The following EPM2A variants were observed in gnomAD, a reference collection of about 807,000 sequenced individuals.
EPM2A encodes the protein EPM2A glucan phosphatase, laforin, also known as laforin.
In EPM2A, 21 loss-of-function variants were observed where a neutral mutation model predicts 26.5. The ratio of observed to expected loss-of-function variants is 0.79; its 90% CI spans 0.56 to 1.14. The LOEUF (loss-of-function observed/expected upper bound fraction) is 1.14, where lower values mean the gene tolerates loss of function less well. EPM2A is among the 50% of genes most tolerant of loss of function. The pLI is 0.00. For missense variants in EPM2A, 458 were observed against 440.8 expected (o/e 1.04, Z -0.35); for synonymous variants, 217 against 177.6 (o/e 1.22, Z -1.76).
chr6:145,395,658 T>G (rs1778395547), intron 4 of EPM2A, among the ~76,000 whole-genome samples: 1 of 152,158 alleles, frequency 6.6e-6, no homozygotes, highest in Admixed American at 6.6e-5. Flanking sequence ...AACCTAGCCA[T>G]AGCTCACTGT....
intron 4 of EPM2A, among the ~76,000 whole-genome samples, chr6:145,485,797 A>G (rs977320128): frequency 1.3e-5 from 2 of 152,330 alleles, no homozygotes; most frequent in East Asian, 1.9e-4. Context: ...GTGGCTGGGG[A>G]AGCCTCGCAA....
At chr6:145,644,110 A>G (rs1253497109) in intron 2 of EPM2A, among the ~76,000 whole-genome samples, 1 of 152,186 alleles carries the variant, frequency 6.6e-6, no homozygotes, top group Non-Finnish European at 1.5e-5. Flanking sequence ...ATACATTGCA[A>G]TGGTGCAGTA....
At chr6:145,482,720 A>C (rs2114734526) in intron 4 of EPM2A, among the ~76,000 whole-genome samples, 1 of 151,998 alleles carries the variant, frequency 6.6e-6, no homozygotes, top group Non-Finnish European at 1.5e-5. Flanking sequence ...ATGATAGAAA[A>C]TACAACGAGA....
At chr6:145,721,309 C>G (rs1775937361) in intron 1 of EPM2A, 1 of 152,234 alleles carries the variant, frequency 6.6e-6, no homozygotes, top group Non-Finnish European at 1.5e-5. Flanking sequence ...GCTTCTCACT[C>G]CTGTATGTAC....
intron 4 of EPM2A, among the ~76,000 whole-genome samples, chr6:145,393,121 G>A (rs1778359623): frequency 6.6e-6 from 1 of 151,984 alleles, no homozygotes; most frequent in African/African-American, 2.4e-5. Context: ...AGATTAACCA[G>A]TACTCCCGTT....
chr6:145,695,145 A>G (rs1781499812), intron 1 of EPM2A, among the ~76,000 whole-genome samples: 1 of 152,038 alleles, frequency 6.6e-6, no homozygotes, highest in South Asian at 2.1e-4. Context: ...GCCAACTTTG[A>G]CATCAAAATC....
chr6:145,456,992 C>T (rs1204877864), intron 4 of EPM2A, among the ~76,000 whole-genome samples: 2 of 152,100 alleles, frequency 1.3e-5, no homozygotes, highest in Non-Finnish European at 1.5e-5. Flanking sequence ...TATGAGAACA[C>T]AAAAGTTTCA....
At chr6:145,491,201 C>T (rs1779749879) in intron 4 of EPM2A, 1 of 437,956 alleles carries the variant, frequency 2.3e-6, no homozygotes, top group Non-Finnish European at 4.4e-6. Context: ...GAAATTTTCC[C>T]CGACCCCTTC....
intron 1 of EPM2A, among the ~76,000 whole-genome samples, chr6:145,717,485 T>C (rs1562518389): frequency 6.6e-6 from 1 of 152,148 alleles, no homozygotes; most frequent in Admixed American, 6.5e-5. Flanking sequence ...ATAAGAGCTA[T>C]CTATGACATA....
intron 2 of EPM2A, among the ~76,000 whole-genome samples, chr6:145,580,190 T>G (rs2114835287): frequency 6.6e-6 from 1 of 152,280 alleles, no homozygotes; most frequent in South Asian, 2.1e-4. Context: ...ACCTTCTGCC[T>G]GAAGGACTTC....
At chr6:145,494,548 G>A (rs1779793855) in intron 4 of EPM2A, among the ~76,000 whole-genome samples, 1 of 151,956 alleles carries the variant, frequency 6.6e-6, no homozygotes, top group South Asian at 2.1e-4. Context: ...GTTTATTCTT[G>A]GTTCTCTATT....
At chr6:145,515,652 C>A (rs1780115526) in intron 2 of EPM2A, among the ~76,000 whole-genome samples, 1 of 152,142 alleles carries the variant, frequency 6.6e-6, no homozygotes, top group Non-Finnish European at 1.5e-5. Context: ...CTAATCACCT[C>A]TTGAAGTCCT....
At chr6:145,600,782 T>A (rs888203574) in intron 2 of EPM2A, among the ~76,000 whole-genome samples, 1 of 152,202 alleles carries the variant, frequency 6.6e-6, no homozygotes, top group Non-Finnish European at 1.5e-5. Flanking sequence ...AGGCAGTTTA[T>A]CCTGACAACC....
intron 4 of EPM2A, among the ~76,000 whole-genome samples, chr6:145,456,946 C>T (rs111601528): frequency 0.011 from 1,709 of 151,920 alleles, 23 homozygotes; most frequent in African/African-American, 0.037. Context: ...AGTAAGACAA[C>T]GGTATAAAAT....
chr6:145,595,681 C>T (rs1781333454), intron 2 of EPM2A, among the ~76,000 whole-genome samples: 1 of 152,052 alleles, frequency 6.6e-6, no homozygotes, highest in African/African-American at 2.4e-5. Context: ...AGCAAAGCTA[C>T]TGTTTTTGCA....
intron 2 of EPM2A, among the ~76,000 whole-genome samples, chr6:145,509,722 C>A (rs1780027994): frequency 6.6e-6 from 1 of 152,132 alleles, no homozygotes; most frequent in South Asian, 2.1e-4. Context: ...AGGAACAAAA[C>A]CACTATATCA....
At position 145,735,490 on chromosome 6, in the gene EPM2A, G is replaced by A. The variant is rs2128650111; in HGVS notation, c.9C>T (p.Phe3=). The A allele has an allele frequency of 8.4e-7, 1 of 1,192,572 alleles. No homozygotes were observed. The highest frequency in any genetic ancestry group is 1.0e-6 in the Non-Finnish European group (1 of 963,382). 73.9% of individuals were successfully genotyped at this position (1,192,572 alleles called of 1,614,324 possible). A position where few individuals can be genotyped will look rare whatever the true frequency, so the allele number is the denominator to read the frequency against. Reference sequence around the variant, plus strand: ...CGGGTGGCACCACCACCCCAAAGCGGAAGCGCATGGCGGGCGGCGGCGGCG... The same window carrying A: ...CGGGTGGCACCACCACCCCAAAGCGAAAGCGCATGGCGGGCGGCGGCGGCG... MR[F]RFGVVVPPAV... Residue 3 remains phenylalanine (F), a synonymous_variant, in exon 1 of 4, where the codon TTC becomes TTT. Coordinates refer to ENST00000367519, the MANE Select transcript of EPM2A (RefSeq NM_005670.4).
At chr6:145,425,876 C>T (rs906253700) in intron 4 of EPM2A, among the ~76,000 whole-genome samples, 1 of 152,116 alleles carries the variant, frequency 6.6e-6, no homozygotes, top group Non-Finnish European at 1.5e-5. Flanking sequence ...TTAGGTATTA[C>T]TATTAGATAC....
At chr6:145,647,723 G>C (rs1777588569) in intron 2 of EPM2A, among the ~76,000 whole-genome samples, 1 of 151,970 alleles carries the variant, frequency 6.6e-6, no homozygotes, top group Admixed American at 6.6e-5. Context: ...AAGGGGAAGG[G>C]GAAGTGAAAG....
Sources: gnomAD v4.1 joint callset for allele counts (sites outside exome capture counted in the v4.1 genomes callset) on GRCh38, gnomAD v4.1.1 for gene constraint, MANE v1.5 for transcripts, NCBI Gene and HGNC (gene_info 2026-07-23, HGNC 2026-07-21) for gene names.